CA10: variants seen among roughly 807,000 people sequenced by gnomAD.
CA10 encodes carbonic anhydrase-related protein 10.
Under a neutral mutation model 44.2 loss-of-function variants are expected in CA10, and 14 were observed. The ratio of observed to expected loss-of-function variants is 0.32; its 90% confidence interval spans 0.21 to 0.50. The LOEUF (loss-of-function observed/expected upper bound fraction) is 0.50, where lower values mean the gene tolerates loss of function less well. Ranked by LOEUF, CA10 falls within the 20% of genes least tolerant of loss-of-function variation. CA10 has a pLI of 0.99. For missense variants in CA10, 350 were observed against 409.7 expected, an observed-to-expected ratio of 0.85 and a Z score of 1.26; for synonymous variants, 159 against 141.6, an observed-to-expected ratio of 1.12 and a Z score of -0.87.
At chr17:51,868,499 G>T (rs1567866879) in intron 3 of CA10, among the ~76,000 whole-genome samples, 1 of 152,116 alleles carries the variant, frequency 6.6e-6, no homozygotes. Context: ...TCCCAGAACT[G>T]ACCTTATTTT....
intron 2 of CA10, among the ~76,000 whole-genome samples, chr17:51,974,226 A>G (rs1282095467): frequency 1.3e-5 from 2 of 152,002 alleles, no homozygotes; most frequent in Non-Finnish European, 2.9e-5. Flanking sequence ...TCTACTAAAA[A>G]TACAAAAATT....
At chr17:52,007,908 C>A (rs573529973) in intron 2 of CA10, among the ~76,000 whole-genome samples, 1 of 151,504 alleles carries the variant, frequency 6.6e-6, no homozygotes, top group Non-Finnish European at 1.5e-5. Flanking sequence ...ACTAAGTTTT[C>A]AAGCAACTTT....
Position 52,112,960 on chromosome 17 carries a change from C to A in CA10, c.62-40567G>T, listed in dbSNP as rs945484742. ...TTTCTTTTCTTTTCCTCTCTTTATT[C>A]TTGGAAGATGGCTTCAGTTAAAAAG... On this transcript the variant is annotated intron_variant, in intron 1 of 8. Coordinates refer to ENST00000451037, the MANE Select transcript of CA10 (RefSeq NM_020178.5). 2.0e-5 allele frequency among the ~76,000 whole-genome samples: 3 copies of A among 152,244 alleles called. No individual in the cohort carries two copies. The East Asian group carries it at 5.8e-4, about 29-fold the overall frequency.
intron 3 of CA10, among the ~76,000 whole-genome samples, chr17:51,871,969 T>A (rs1035581698): frequency 1.3e-5 from 2 of 152,160 alleles, no homozygotes; most frequent in African/African-American, 4.8e-5. Flanking sequence ...GAATTACTAA[T>A]CCCAACTGCA....
At chr17:51,761,544 T>G (rs951182684) in intron 3 of CA10, 1 of 152,194 alleles carries the variant, frequency 6.6e-6, no homozygotes, top group Non-Finnish European at 1.5e-5. Context: ...TGTTGGGAGA[T>G]GATGGAAGAA....
At chr17:52,093,062 G>A (rs1428626488) in intron 1 of CA10, among the ~76,000 whole-genome samples, 1 of 151,896 alleles carries the variant, frequency 6.6e-6, no homozygotes, top group Non-Finnish European at 1.5e-5. Context: ...TTTATATGTT[G>A]TTTCACTTAA....
chr17:51,848,548 C>A (rs1978601576), intron 3 of CA10, among the ~76,000 whole-genome samples: 1 of 152,156 alleles, frequency 6.6e-6, no homozygotes, highest in South Asian at 2.1e-4. Flanking sequence ...CAAACATGTG[C>A]CATATATTCT....
intron 1 of CA10, among the ~76,000 whole-genome samples, chr17:52,140,888 G>C (rs910010311): frequency 6.6e-6 from 1 of 152,148 alleles, no homozygotes; most frequent in Non-Finnish European, 1.5e-5. Context: ...TTATTTGAGA[G>C]AAAATGCTCT....
In CA10 at chr17:51,722,458, T is replaced by C. The variant is rs1228626803; in HGVS notation, c.465+25175A>G. ...ATATGGGTATCCTGTAATCTGGTTC[T>C]ATTTCATGTGTTTTCTAAGTTTTCT... On this transcript the variant is annotated intron_variant, in intron 4 of 8. Coordinates refer to ENST00000451037, the MANE Select transcript of CA10 (RefSeq NM_020178.5). 3.9e-5 allele frequency among the ~76,000 whole-genome samples: 6 copies of C among 152,244 alleles called. No individual in the cohort carries two copies. In the East Asian group the frequency reaches 1.2e-3, roughly 29 times the overall value.
chr17:52,085,534 G>A (rs1301438936), intron 1 of CA10, among the ~76,000 whole-genome samples: 3 of 152,250 alleles, frequency 2.0e-5, no homozygotes, highest in South Asian at 2.1e-4. Context: ...TTGGTTACAC[G>A]ATAATGTGCA....
chr17:51,973,296 A>T (rs932442345), intron 2 of CA10, among the ~76,000 whole-genome samples: 4 of 152,208 alleles, frequency 2.6e-5, no homozygotes, highest in African/African-American at 9.6e-5. Flanking sequence ...GAGCCCATGC[A>T]AGGAGGAGCA....
chr17:51,756,393 C>A (rs1330381922), intron 3 of CA10, among the ~76,000 whole-genome samples: 1 of 151,988 alleles, frequency 6.6e-6, no homozygotes, highest in Non-Finnish European at 1.5e-5. Context: ...TATTTGACTG[C>A]ACATTCTATA....
rs373359932 is a variant in CA10 at position 51,753,678 on chromosome 17, C to A, written c.280-5860G>T. 5.3e-5 allele frequency among the ~76,000 whole-genome samples: 8 copies of A among 152,280 alleles called. No individual in the cohort carries two copies. The East Asian group carries it at 1.2e-3, about 22-fold the overall frequency. On this transcript the variant is annotated intron_variant, in intron 3 of 8. Coordinates refer to ENST00000451037, the MANE Select transcript of CA10 (RefSeq NM_020178.5). ...CAGTGGGAAGATATTAGGCTAAACC[C>A]ATATGTGGAGGGAAGGCCTCCCACA...
At chr17:52,035,497 A>C (rs1303528008) in intron 2 of CA10, among the ~76,000 whole-genome samples, 2 of 151,986 alleles carry the variant, frequency 1.3e-5, no homozygotes, top group Non-Finnish European at 2.9e-5. Flanking sequence ...GTGTAGATAC[A>C]AAAAGCTGTC....
chr17:51,937,469 C>G (rs1275895633), intron 2 of CA10, among the ~76,000 whole-genome samples: 2 of 152,108 alleles, frequency 1.3e-5, no homozygotes, highest in East Asian at 1.9e-4. Context: ...ATTGCAGGGC[C>G]TCTGACTCAT....
intron 1 of CA10, among the ~76,000 whole-genome samples, chr17:52,101,247 T>G (rs1037812900): frequency 6.6e-6 from 1 of 152,214 alleles, no homozygotes; most frequent in Non-Finnish European, 1.5e-5. Context: ...GACTAATTTC[T>G]GCAACACATA....
intron 3 of CA10, among the ~76,000 whole-genome samples, chr17:51,787,231 T>G (rs1906324389): frequency 6.6e-6 from 1 of 152,190 alleles, no homozygotes. Flanking sequence ...TTTGGAATTA[T>G]TTGAGTAGGA....
intron 3 of CA10, among the ~76,000 whole-genome samples, chr17:51,917,012 C>T (rs891072480): frequency 2.6e-5 from 4 of 152,086 alleles, no homozygotes; most frequent in African/African-American, 9.7e-5. Context: ...AGACATGTCC[C>T]CCAGTTTCTA....
chr17:52,114,283 G>C (rs1054043087), intron 1 of CA10, among the ~76,000 whole-genome samples: 2 of 152,126 alleles, frequency 1.3e-5, no homozygotes, highest in Admixed American at 6.5e-5. Context: ...GACCACTAGA[G>C]TTCTTATTTT....
Sources: gnomAD v4.1 joint callset for allele counts (sites outside exome capture counted in the v4.1 genomes callset) on GRCh38, gnomAD v4.1.1 for gene constraint, MANE v1.5 for transcripts, NCBI Gene and HGNC (gene_info 2026-07-23, HGNC 2026-07-21) for gene names.